Variants in SND1 observed in about 807,000 individuals in gnomAD.
SND1 encodes the protein staphylococcal nuclease domain-containing protein 1.
Under a neutral mutation model 121.7 loss-of-function variants are expected in SND1, and 38 were observed. The ratio of observed to expected loss-of-function variants is 0.31; its 90% CI spans 0.24 to 0.41. The LOEUF is 0.41. SND1 is among the 10% of genes least tolerant of loss of function. The probability of loss-of-function intolerance (pLI) is 1.00; values close to 1 mark genes in which losing one functional copy is unlikely to be tolerated. For missense variants in SND1, 868 were observed against 1,184.6 expected (o/e 0.73, Z 3.92); for synonymous variants, 401 against 447.4 (o/e 0.90, Z 1.31).
At chr7:127,862,775 C>T (rs543428382) in intron 12 of SND1, among the ~76,000 whole-genome samples, 2 of 152,252 alleles carry the variant, frequency 1.3e-5, no homozygotes, top group South Asian at 2.1e-4. Context: ...TCTCCCAGGC[C>T]GTGCACTGCT....
chr7:127,670,297 AT>A (rs3837143), intron 1 of SND1, among the ~76,000 whole-genome samples: 108,406 of 150,674 alleles, frequency 0.72, 40,092 homozygotes, highest in African/African-American at 0.89. Context: ...CCTAATTTTA[AT>A]TTTTTTTTTT....
intron 10 of SND1, among the ~76,000 whole-genome samples, chr7:127,794,413 G>A (rs1797973673): frequency 6.6e-6 from 1 of 152,126 alleles, no homozygotes; most frequent in East Asian, 1.9e-4. Context: ...GGTTCCACTG[G>A]CACCAGCTAA....
chr7:128,004,944 A>G (rs550645394), intron 16 of SND1, among the ~76,000 whole-genome samples: 159 of 152,318 alleles, frequency 1.0e-3, no homozygotes, highest in African/African-American at 3.7e-3. Flanking sequence ...TAGCTGCCGT[A>G]ATCTTTGTTA....
chr7:127,893,355 T>A (rs1315471144), intron 13 of SND1, among the ~76,000 whole-genome samples: 1 of 152,094 alleles, frequency 6.6e-6, no homozygotes, highest in East Asian at 1.9e-4. Flanking sequence ...TCTTTATACA[T>A]GGGGGATATC....
chr7:128,072,873 T>C (rs1793436941), intron 16 of SND1, among the ~76,000 whole-genome samples: 1 of 152,188 alleles, frequency 6.6e-6, no homozygotes, highest in Non-Finnish European at 1.5e-5. Context: ...CAAGAGTAGG[T>C]CCTTCAGCAG....
intron 15 of SND1, among the ~76,000 whole-genome samples, chr7:127,980,013 A>G (rs1320240668): frequency 6.6e-6 from 1 of 152,044 alleles, no homozygotes; most frequent in Non-Finnish European, 1.5e-5. Context: ...TCAGGATAGG[A>G]TATATGTAGC....
rs145210091 is a variant in SND1, at chr7:127,681,998, C to T, written c.79-4615C>T. On this transcript the variant is annotated intron_variant, in intron 1 of 23. Coordinates refer to ENST00000354725, the MANE Select transcript of SND1 (RefSeq NM_014390.4). ...CATTCTCAGACCAAAGTGATTTTTG[C>T]TCTTGGGCTGGGAAAAAATATTGGC... Among the ~76,000 whole-genome samples, 143 of 152,302 alleles carry T rather than the reference C, an allele frequency of 9.4e-4. 1 individual carries two copies. Among genetic ancestry groups the T allele is most frequent in the Middle Eastern group, 3.4e-3 (1 of 292 alleles).
At chr7:128,082,035 C>G in intron 18 of SND1, 1 of 518,560 alleles carries the variant, frequency 1.9e-6, no homozygotes, top group Admixed American at 2.0e-5. Context: ...GGAAGACATC[C>G]CCGGGCAGTC....
In SND1 at chr7:127,694,891, A is replaced by G. The variant is rs137962837; in HGVS notation, c.292A>G (p.Thr98Ala). The G allele has an allele frequency of 1.6e-4, 262 of 1,613,846 alleles. No homozygotes were observed. Among genetic ancestry groups the G allele is most frequent in the Non-Finnish European group, 1.8e-4 (210 of 1,179,898 alleles). ...KKLIGKEVCF[T>A]IENKTPQGRE... ...GCTGATTGGGAAGGAAGTCTGTTTC[A>G]CGATAGAAAACAAGACTCCCCAGGG... Residue 98 changes from threonine (T) to alanine (A), a missense_variant, in exon 3 of 24, where the codon ACG becomes GCG. By Grantham distance (58) the Thr-to-Ala change is moderately conservative. This residue lies in a region of SND1 where 743 missense variants were observed against 1,071.3 expected (regional missense o/e 0.69). Transcript: ENST00000354725.
intron 18 of SND1, chr7:128,081,750 TC>T: frequency 1.6e-6 from 1 of 632,770 alleles, no homozygotes; most frequent in East Asian, 3.1e-5. Flanking sequence ...GCCGGACAGG[TC>T]CTCTGGACGC....
chr7:127,904,787 G>C lies in SND1; in HGVS notation c.1495G>C (p.Val499Leu), dbSNP rs1303080541. Reference sequence around the variant, plus strand: ...CAAAGGATTGCATAGCAAGAAGGAAGTGCCTATCCACCGTGTTGCAGATAT... The same window carrying C: ...CAAAGGATTGCATAGCAAGAAGGAACTGCCTATCCACCGTGTTGCAGATAT... Reference protein sequence around the residue: ...NGKGLHSKKEVPIHRVADISG... With the variant: ...NGKGLHSKKELPIHRVADISG... The change falls in exon 14 of 24, where the codon GTG becomes CTG. Residue 499 changes from valine to leucine, a missense_variant. Val to Leu is a conservative substitution (Grantham distance 32). Around this residue, in one of 2 missense-constraint regions of SND1, gnomAD observed 743 missense variants for 1,071.3 expected, o/e 0.69. Coordinates refer to ENST00000354725, the MANE Select transcript of SND1 (RefSeq NM_014390.4). 3 of 1,612,036 alleles carry C rather than the reference G, an allele frequency of 1.9e-6. No individual in the cohort carries two copies. Among genetic ancestry groups the C allele is most frequent in the Non-Finnish European group, 2.5e-6 (3 of 1,178,282 alleles).
chr7:127,918,358 C>G, intron 14 of SND1, among the ~76,000 whole-genome samples: 1 of 151,912 alleles, frequency 6.6e-6, no homozygotes, highest in African/African-American at 2.4e-5. Flanking sequence ...GAGTCACCGC[C>G]CCCAGATGAC....
intron 13 of SND1, among the ~76,000 whole-genome samples, chr7:127,889,519 T>C (rs1346137290): frequency 6.6e-6 from 1 of 152,136 alleles, no homozygotes; most frequent in Admixed American, 6.6e-5. Flanking sequence ...TTACAAACAA[T>C]CTAGTTATAC....
chr7:127,871,018 G>C (rs560039746), intron 12 of SND1, among the ~76,000 whole-genome samples: 1 of 151,754 alleles, frequency 6.6e-6, no homozygotes, highest in South Asian at 2.1e-4. Context: ...TTTAAAACTC[G>C]TTTGTTGAAA....
At chr7:127,811,433 C>T (rs1293438500) in intron 11 of SND1, among the ~76,000 whole-genome samples, 2 of 152,156 alleles carry the variant, frequency 1.3e-5, no homozygotes, top group East Asian at 1.9e-4. Flanking sequence ...ACATCTGGCT[C>T]TCCTCCGGTG....
intron 16 of SND1, among the ~76,000 whole-genome samples, chr7:128,008,610 G>T (rs1362212173): frequency 6.6e-6 from 1 of 152,142 alleles, no homozygotes; most frequent in Non-Finnish European, 1.5e-5. Flanking sequence ...TCAAGTTGAG[G>T]CAGGGCACAG....
intron 15 of SND1, among the ~76,000 whole-genome samples, chr7:127,929,631 A>G (rs1471764462): frequency 1.3e-5 from 2 of 152,184 alleles, no homozygotes; most frequent in Non-Finnish European, 2.9e-5. Flanking sequence ...AATACCAGCC[A>G]TGGAATTCTC....
chr7:127,965,397 A>T (rs2116877136), intron 15 of SND1, among the ~76,000 whole-genome samples: 1 of 41,570 alleles, frequency 2.4e-5, no homozygotes, highest in South Asian at 1.0e-3. Flanking sequence ...TGGGTTTGCC[A>T]TAGATAGCTC....
At chr7:128,010,075 T>C (rs950411427) in intron 16 of SND1, among the ~76,000 whole-genome samples, 2 of 152,226 alleles carry the variant, frequency 1.3e-5, no homozygotes, top group African/African-American at 4.8e-5. Context: ...GTCTGACCCT[T>C]GAGTTTCCCA....
Sources: gnomAD v4.1 joint callset for allele counts (sites outside exome capture counted in the v4.1 genomes callset) on GRCh38, gnomAD v4.1.1 for gene constraint, gnomAD v4.1.1 regional missense constraint, MANE v1.5 for transcripts, NCBI Gene and HGNC (gene_info 2026-07-23, HGNC 2026-07-21) for gene names.